DNAH9: variants seen among roughly 807,000 people sequenced by gnomAD.
DNAH9 encodes DNAH9 variant protein.
In DNAH9, 345 loss-of-function variants were observed where a neutral mutation model predicts 471.6. The ratio of observed to expected loss-of-function variants is 0.73; its 90% confidence interval spans 0.67 to 0.80. The LOEUF (loss-of-function observed/expected upper bound fraction) is 0.80. Among genes scored for constraint, DNAH9 ranks in the 30% least tolerant of loss-of-function variants. The probability of loss-of-function intolerance (pLI) is 0.00; values close to 1 mark genes in which losing one functional copy is unlikely to be tolerated. For synonymous variants in DNAH9, 2,093 were observed against 2,123.6 expected, an observed-to-expected ratio of 0.99 and a Z score of 0.40; for missense variants, 5,407 against 5,609.2, an observed-to-expected ratio of 0.96 and a Z score of 1.15.
At chr17:11,819,566 C>T (rs1474724267) in intron 45 of DNAH9, among the ~76,000 whole-genome samples, 1 of 152,088 alleles carries the variant, frequency 6.6e-6, no homozygotes, top group Non-Finnish European at 1.5e-5. Flanking sequence ...TACAGGTGCA[C>T]ACCACCATGC....
At chr17:11,812,908 C>G (rs535047804) in intron 45 of DNAH9, among the ~76,000 whole-genome samples, 1 of 152,296 alleles carries the variant, frequency 6.6e-6, no homozygotes, top group South Asian at 2.1e-4. Flanking sequence ...TACCCCAAAG[C>G]TACCCTAAAG....
rs1349989990 is a variant in DNAH9, at chr17:11,679,913, G to A, written c.3510G>A (p.Lys1170=). The A allele has an allele frequency of 4.3e-6, 7 of 1,614,008 alleles. No individual in the cohort carries two copies. In the African/African-American group the frequency reaches 8.0e-5, roughly 18 times the overall value. ...CTGATGAGATGTTTGAGCCCTTAAA[G>A]CAGACTATTGAATTGCTGAAGACCT... is the stretch of plus-strand genomic sequence containing the variant. ...SNTDEMFEPL[K]QTIELLKTYE... Residue 1170 remains lysine, a synonymous_variant, in exon 18 of 69, where the codon AAG becomes AAA. Transcript: ENST00000262442.
rs1000599582 is a variant in DNAH9, at chr17:11,653,106, C to G, written c.2595+104C>G. ...TTAGGACAGTCAGTAAGTGCAGTGT[C>G]TTCCGAAGACAAGGATAGAAGTTTA... On this transcript the variant is annotated intron_variant, in intron 14 of 68. Transcript: ENST00000262442. 1.1e-5 allele frequency: 13 copies of G among 1,217,700 alleles called. No homozygotes were observed. In the Admixed American group the frequency reaches 2.7e-4, roughly 25 times the overall value. The allele number at this position is 1,217,700 out of a possible 1,614,324, so 75.4% of individuals were successfully genotyped here. A position where few individuals can be genotyped will look rare whatever the true frequency, so the allele number is the denominator to read the frequency against.
chr17:11,598,877 G>T lies in DNAH9; in HGVS notation c.379G>T (p.Ala127Ser), dbSNP rs762530397. 4 of 1,542,882 alleles carry T rather than the reference G, an allele frequency of 2.6e-6. No individual in the cohort carries two copies. The highest frequency in any genetic ancestry group is 2.5e-5 in the East Asian group (1 of 39,622). The change falls in exon 1 of 69, where the codon GCG becomes TCG. Residue 127 changes from alanine (A) to serine (S), a missense_variant. This residue lies in a region of DNAH9 where 767 missense variants were observed against 692.5 expected (regional missense o/e 1.11). Transcript: ENST00000262442. Reference sequence around the variant, plus strand: ...CGCAGTGGTCTGCGGGGACCTGCCCGCGGCACCTCTGGAGCACCTAGCCGC... The same window carrying T: ...CGCAGTGGTCTGCGGGGACCTGCCCTCGGCACCTCTGGAGCACCTAGCCGC... Reference protein sequence around the residue: ...RGAVVCGDLPAAPLEHLAALF... With the variant: ...RGAVVCGDLPSAPLEHLAALF...
At chr17:11,760,912 G>T (rs1967638759) in intron 35 of DNAH9, among the ~76,000 whole-genome samples, 1 of 152,342 alleles carries the variant, frequency 6.6e-6, no homozygotes, top group African/African-American at 2.4e-5. Context: ...ACAGGCACTT[G>T]CTTTAAAGCC....
rs756890065 is a variant in DNAH9 at position 11,793,587 on chromosome 17, C to T, written c.8146C>T (p.Arg2716Trp). Reference protein sequence around the residue: ...LYLHESNRVYRDKMVEEKDFD... With the variant: ...LYLHESNRVYWDKMVEEKDFD... ...TCTGCATGAATCAAATCGAGTTTATCGGGATAAGATGGTAGAAGAAAAGGA... is the reference window on the plus strand; with the variant it reads ...TCTGCATGAATCAAATCGAGTTTATTGGGATAAGATGGTAGAAGAAAAGGA... Residue 2716 changes from arginine to tryptophan, a missense_variant, in exon 42 of 69, where the codon CGG (arginine) becomes TGG (tryptophan). This residue lies in a region of DNAH9 where 4,636 missense variants were observed against 4,900.3 expected (regional missense o/e 0.95). Transcript: ENST00000262442. 38 of 1,613,318 alleles carry T rather than the reference C, an allele frequency of 2.4e-5. No homozygotes were observed. The highest frequency in any genetic ancestry group is 3.1e-5 in the Non-Finnish European group (37 of 1,179,746).
At chr17:11,916,053 T>C (rs1250660519) in intron 61 of DNAH9, among the ~76,000 whole-genome samples, 1 of 152,230 alleles carries the variant, frequency 6.6e-6, no homozygotes, top group Non-Finnish European at 1.5e-5. Flanking sequence ...TATTCCTGAC[T>C]TTCACACTTT....
intron 27 of DNAH9, 79 bp downstream of exon 27, chr17:11,719,569 C>G: frequency 7.3e-7 from 1 of 1,361,840 alleles, no homozygotes; most frequent in Non-Finnish European, 1.0e-6. Context: ...AAGACGCATC[C>G]GTGCCACCCT....
At chr17:11,681,593 C>T (rs1035783634) in intron 19 of DNAH9, among the ~76,000 whole-genome samples, 2 of 152,166 alleles carry the variant, frequency 1.3e-5, no homozygotes, top group African/African-American at 4.8e-5. Context: ...GCCCTTTGCC[C>T]TAACGCTCCA....
intron 4 of DNAH9, among the ~76,000 whole-genome samples, chr17:11,614,656 G>A (rs1260302640): frequency 2.0e-5 from 3 of 152,174 alleles, no homozygotes; most frequent in Non-Finnish European, 2.9e-5. Flanking sequence ...TGAGAAGTTC[G>A]AGATCAAGGC....
intron 11 of DNAH9, among the ~76,000 whole-genome samples, chr17:11,646,180 A>AT (rs113968657): frequency 0.33 from 50,067 of 149,562 alleles, 8,518 homozygotes; most frequent in Middle Eastern, 0.42. Context: ...CGCCTGGCTA[A>AT]TTTTTTTTTT....
rs1308471336 is a variant in DNAH9, at chr17:11,719,182, T to A, written c.5553-152T>A. The stretch of plus-strand genomic sequence containing the variant: ...TGTGATGAGCTTGCCCGCTAAAGAG[T>A]CCTCCCCACAGTGCTGTGGGGAGCG... On this transcript the variant is annotated intron_variant, in intron 26 of 68. Coordinates refer to ENST00000262442, the MANE Select transcript of DNAH9 (RefSeq NM_001372.4). 4 of 661,922 alleles carry A rather than the reference T, an allele frequency of 6.0e-6. No homozygotes were observed. In the African/African-American group the frequency reaches 7.4e-5, roughly 12 times the overall value. The allele number at this position is 661,922 out of a possible 1,614,324, so 41.0% of individuals were successfully genotyped here. A position where few individuals can be genotyped will look rare whatever the true frequency, so the allele number is the denominator to read the frequency against.
intron 17 of DNAH9, among the ~76,000 whole-genome samples, chr17:11,676,873 C>A (rs1276615752): frequency 6.6e-6 from 1 of 151,948 alleles, no homozygotes; most frequent in African/African-American, 2.4e-5. Context: ...ATTCTCATTA[C>A]AATTTAGTTC....
intron 61 of DNAH9, among the ~76,000 whole-genome samples, chr17:11,916,439 CTTTGA>C (rs747577949): frequency 6.6e-6 from 1 of 152,306 alleles, no homozygotes; most frequent in South Asian, 2.1e-4. Flanking sequence ...CTTCTTGGTG[CTTTGA>C]TTTATTTTCT....
chr17:11,761,231 A>G (rs1326812124), intron 35 of DNAH9, among the ~76,000 whole-genome samples: 3 of 152,200 alleles, frequency 2.0e-5, no homozygotes, highest in Non-Finnish European at 4.4e-5. Context: ...GAAAATATAA[A>G]GAAACAAACT....
rs752886168 is a variant in DNAH9, at chr17:11,694,010, C to G, written c.4745+12C>G. 6.2e-7 allele frequency: 1 copy of G among 1,609,646 alleles called. No individual in the cohort carries two copies. Among genetic ancestry groups the G allele is most frequent in the South Asian group, 1.1e-5 (1 of 90,602 alleles). ...GATATTCAGGGCAGGTGAGGGTCCG[C>G]CCATTACCCCTTCTCTAATAAGAAG... On this transcript the variant is annotated intron_variant, in intron 21 of 68. Coordinates refer to ENST00000262442, the MANE Select transcript of DNAH9 (RefSeq NM_001372.4).
intron 57 of DNAH9, among the ~76,000 whole-genome samples, chr17:11,887,671 A>G (rs1972918685): frequency 6.6e-6 from 1 of 152,186 alleles, no homozygotes; most frequent in Non-Finnish European, 1.5e-5. Flanking sequence ...ATACATATAC[A>G]CACAGAGAAA....
At chr17:11,798,055 A>G (rs1442629644) in intron 43 of DNAH9, among the ~76,000 whole-genome samples, 1 of 152,080 alleles carries the variant, frequency 6.6e-6, no homozygotes, top group Non-Finnish European at 1.5e-5. Flanking sequence ...AGTGACAGCA[A>G]GAACAGACTT....
chr17:11,847,734 A>G (rs1971277911), intron 49 of DNAH9, among the ~76,000 whole-genome samples: 1 of 152,180 alleles, frequency 6.6e-6, no homozygotes, highest in Admixed American at 6.5e-5. Flanking sequence ...CCCCCAACCC[A>G]GTTACACTTT....
Sources: gnomAD v4.1 joint callset for allele counts (sites outside exome capture counted in the v4.1 genomes callset) on GRCh38, gnomAD v4.1.1 for gene constraint, gnomAD v4.1.1 regional missense constraint, MANE v1.5 for transcripts, NCBI Gene and HGNC (gene_info 2026-07-23, HGNC 2026-07-21) for gene names.